Variants in EFEMP1 observed in about 807,000 individuals in gnomAD.
EFEMP1 encodes EGF-containing fibulin-like extracellular matrix protein 1.
In EFEMP1, 18 loss-of-function variants were observed where a neutral mutation model predicts 65.7. That is an observed-to-expected ratio of 0.27 (90% CI 0.19 to 0.41). The LOEUF is 0.41. Ranked by LOEUF, EFEMP1 falls within the 10% of genes least tolerant of loss-of-function variation. The pLI is 1.00. For missense variants in EFEMP1, 469 were observed against 624.8 expected (o/e 0.75, Z 2.66); for synonymous variants, 237 against 219.7 (o/e 1.08, Z -0.70).
At position 55,917,715 on chromosome 2, in the gene EFEMP1, C is replaced by T. The variant is rs370831953; in HGVS notation, c.467G>A (p.Arg156His). 69 of 1,614,052 alleles carry T rather than the reference C, an allele frequency of 4.3e-5. No homozygotes were observed. Among genetic ancestry groups the T allele is most frequent in the Admixed American group, 1.2e-4 (7 of 59,998 alleles). ...CTCGTAGCCTGCTGCACACTGGATA[C>T]GGTGGGAAGGGTTGGAGGGAATGCG... ...PQRIPSNPSH[R>H]IQCAAGYEQS... Residue 156 changes from arginine to histidine, a missense_variant, in exon 5 of 12, where the codon CGT becomes CAT. Physicochemically the swap from Arg to His is conservative, Grantham distance 29. Around this residue, in one of 3 missense-constraint regions of EFEMP1, gnomAD observed 399 missense variants for 528.2 expected, o/e 0.76. Coordinates refer to ENST00000355426, the MANE Select transcript of EFEMP1 (RefSeq NM_001039348.3). The surrounding 1 kb of genome is among the most constrained non-coding windows in gnomAD (Gnocchi z 6.3).
chr2:55,891,925 A>G (rs1488906012), intron 5 of EFEMP1, among the ~76,000 whole-genome samples: 1 of 152,140 alleles, frequency 6.6e-6, no homozygotes, highest in African/African-American at 2.4e-5. Flanking sequence ...CAAGTTATCC[A>G]TAAATTATCA....
chr2:55,918,282 T>C lies in EFEMP1; in HGVS notation c.82-15A>G. 1.9e-6 allele frequency: 3 copies of C among 1,614,116 alleles called. No individual in the cohort carries two copies. The highest frequency in any genetic ancestry group is 2.5e-6 in the Non-Finnish European group (3 of 1,179,994). Reference sequence around the variant, plus strand: ...TCAGTGCATTGCTGTGAAGAAAACATCAAAGGTGGGGCCAGGAGACAGTTA... The same window carrying C: ...TCAGTGCATTGCTGTGAAGAAAACACCAAAGGTGGGGCCAGGAGACAGTTA... On this transcript the variant is annotated splice_polypyrimidine_tract_variant and intron_variant, in intron 3 of 11. Coordinates refer to ENST00000355426, the MANE Select transcript of EFEMP1 (RefSeq NM_001039348.3).
rs911663339 is a variant in EFEMP1 at position 55,866,387 on chromosome 2, T to C, written c.*686A>G. ...CATATCCTCCCCATAGATTTCTCAA[T>C]AGTATAATTTTCTAGGGGATATCTG... On this transcript the variant is annotated 3_prime_UTR_variant, in exon 12 of 12. Transcript: ENST00000355426. 14 of 152,212 alleles carry C rather than the reference T, an allele frequency of 9.2e-5. No homozygotes were observed. Among genetic ancestry groups the C allele is most frequent in the African/African-American group, 3.4e-4 (14 of 41,442 alleles). 9.4% of individuals were successfully genotyped at this position (152,212 alleles called of 1,614,324 possible).
intron 5 of EFEMP1, among the ~76,000 whole-genome samples, chr2:55,897,209 C>A (rs1284402795): frequency 6.6e-6 from 1 of 152,142 alleles, no homozygotes; most frequent in Non-Finnish European, 1.5e-5. Flanking sequence ...TCTCAGCACC[C>A]ACTATGCTTT....
chr2:55,874,906 A>G (rs1424711234), intron 9 of EFEMP1, 40 bp downstream of exon 9: 1 of 1,572,978 alleles, frequency 6.4e-7, no homozygotes, highest in African/African-American at 1.4e-5. Flanking sequence ...TTCCTGGCTA[A>G]AACTAAATAC....
intron 5 of EFEMP1, among the ~76,000 whole-genome samples, chr2:55,895,193 G>A (rs1207049858): frequency 1.3e-5 from 2 of 152,220 alleles, no homozygotes; most frequent in Non-Finnish European, 2.9e-5. Context: ...GGCTCCCAGG[G>A]CTCCAAGACC....
intron 5 of EFEMP1, among the ~76,000 whole-genome samples, chr2:55,909,212 A>T (rs1292854690): frequency 6.6e-6 from 1 of 152,222 alleles, no homozygotes; most frequent in Non-Finnish European, 1.5e-5. Flanking sequence ...GAGTTCTCCT[A>T]TGATTAAAAT....
intron 5 of EFEMP1, among the ~76,000 whole-genome samples, chr2:55,888,866 A>G (rs1669528080): frequency 6.6e-6 from 1 of 152,170 alleles, no homozygotes; most frequent in Non-Finnish European, 1.5e-5. Context: ...GGAGGAATTA[A>G]GATCCCGCCC....
chr2:55,897,165 T>C (rs1558475961), intron 5 of EFEMP1, among the ~76,000 whole-genome samples: 1 of 152,202 alleles, frequency 6.6e-6, no homozygotes, highest in Non-Finnish European at 1.5e-5. Context: ...GAGAACTCTT[T>C]GAGGGTAGGC....
intron 5 of EFEMP1, among the ~76,000 whole-genome samples, chr2:55,893,854 A>C (rs185914444): frequency 3.9e-4 from 59 of 152,302 alleles, no homozygotes; most frequent in Middle Eastern, 3.4e-3. Context: ...TATGGTCTTT[A>C]TGACTAACAC....
chr2:55,908,614 G>A (rs1012540394), intron 5 of EFEMP1, among the ~76,000 whole-genome samples: 1 of 152,052 alleles, frequency 6.6e-6, no homozygotes, highest in African/African-American at 2.4e-5. Flanking sequence ...AACAAGTGAA[G>A]TAATGGTTAT....
At chr2:55,910,262 T>G (rs1032757047) in intron 5 of EFEMP1, among the ~76,000 whole-genome samples, 2 of 152,228 alleles carry the variant, frequency 1.3e-5, no homozygotes, top group African/African-American at 4.8e-5. Flanking sequence ...GCAATTCTTT[T>G]TAAATTTTTG....
intron 5 of EFEMP1, among the ~76,000 whole-genome samples, chr2:55,911,370 C>T (rs1233047268): frequency 1.3e-5 from 2 of 152,068 alleles, no homozygotes; most frequent in Non-Finnish European, 2.9e-5. Context: ...ACCCTGCCCT[C>T]TGATTTATAT....
intron 8 of EFEMP1, 23 bp downstream of exon 8, chr2:55,876,600 A>G (rs746078805): frequency 3.6e-5 from 58 of 1,610,890 alleles, no homozygotes; most frequent in Middle Eastern, 1.7e-4. Flanking sequence ...ACTTTATTCC[A>G]TACTATCTGG....
chr2:55,913,841 C>G (rs1356174534), intron 5 of EFEMP1, among the ~76,000 whole-genome samples: 1 of 152,032 alleles, frequency 6.6e-6, no homozygotes, highest in Non-Finnish European at 1.5e-5. Context: ...GAAACCCCAT[C>G]TCTACTAAAA....
intron 3 of EFEMP1, among the ~76,000 whole-genome samples, chr2:55,918,471 C>G (rs992219142): frequency 6.6e-6 from 1 of 152,122 alleles, no homozygotes; most frequent in African/African-American, 2.4e-5. Context: ...GGGGTCCATT[C>G]TCAACCATCA....
At chr2:55,875,145 T>TTATA (rs899009607) in intron 8 of EFEMP1, 80 bp from the exon 9 acceptor site, 4 of 461,482 alleles carry the variant, frequency 8.7e-6, no homozygotes, top group Non-Finnish European at 1.3e-5. Flanking sequence ...TATATATAAA[T>TTATA]TATATATATA....
chr2:55,875,365 C>CACAT (rs1457478860), intron 8 of EFEMP1, among the ~76,000 whole-genome samples: 361 of 137,172 alleles, frequency 2.6e-3, no homozygotes, highest in Non-Finnish European at 4.7e-3. Context: ...CACACACACA[C>CACAT]ATATATATTT....
chr2:55,917,881 C>T lies in EFEMP1; in HGVS notation c.301G>A (p.Val101Ile). The change falls in exon 5 of 12, where the codon GTT becomes ATT. Residue 101 changes from valine (V) to isoleucine (I), a missense_variant. Val to Ile is a conservative substitution (Grantham distance 29). Transcript: ENST00000355426. The surrounding 1 kb of genome is among the most constrained non-coding windows in gnomAD (Gnocchi z 6.3). The part of the protein sequence containing the change: ...AEGTSGATTG[V>I]VAASSMATSG... ...GTTGCCATGCTGCTGGCAGCTACAA[C>T]CCCGGTGGTTGCCCCTGAGGTTCCT... 1.2e-6 allele frequency: 2 copies of T among 1,614,248 alleles called. No homozygotes were observed. The highest frequency in any genetic ancestry group is 8.5e-7 in the Non-Finnish European group (1 of 1,180,050).
Sources: gnomAD v4.1 joint callset for allele counts (sites outside exome capture counted in the v4.1 genomes callset) on GRCh38, gnomAD v4.1.1 for gene constraint, gnomAD v4.1.1 regional missense constraint, Gnocchi (gnomAD v3.1) non-coding constraint, MANE v1.5 for transcripts, NCBI Gene and HGNC (gene_info 2026-07-23, HGNC 2026-07-21) for gene names.